SPAG16: variants seen among roughly 807,000 people sequenced by gnomAD.
SPAG16 encodes sperm-associated antigen 16 protein.
In SPAG16, 86 loss-of-function variants were observed where a neutral mutation model predicts 80.4. That is an observed-to-expected ratio of 1.07 (90% CI 0.90 to 1.28). SPAG16 has a LOEUF of 1.28. SPAG16 is among the 50% of genes most tolerant of loss of function. SPAG16 has a pLI of 0.00. For missense variants in SPAG16, 870 were observed against 765.3 expected, an observed-to-expected ratio of 1.14 and a Z score of -1.61; for synonymous variants, 294 against 265.9, an observed-to-expected ratio of 1.11 and a Z score of -1.03.
At chr2:213,508,560 C>T (rs1043365096) in intron 10 of SPAG16, among the ~76,000 whole-genome samples, 1 of 151,682 alleles carries the variant, frequency 6.6e-6, no homozygotes, top group Non-Finnish European at 1.5e-5. Flanking sequence ...GCCTGGGCGA[C>T]AGAGTGAGAC....
In SPAG16 at chr2:213,426,881, AC is replaced by A. The variant is rs1559121811; in HGVS notation, c.942+51763del. ...CACACACACACACACACACACACAC[AC>A]AGGGCTACACTCTATAGGATCCTTT... On this transcript the variant is annotated intron_variant, in intron 9 of 15. Transcript: ENST00000331683. Among the ~76,000 whole-genome samples, 390 of 150,160 alleles carry A rather than the reference AC, an allele frequency of 2.6e-3. 4 individuals are homozygous for A. The highest frequency in any genetic ancestry group is 8.8e-3 in the African/African-American group (359 of 40,778).
At chr2:213,789,799 C>A (rs1347193159) in intron 10 of SPAG16, among the ~76,000 whole-genome samples, 1 of 151,894 alleles carries the variant, frequency 6.6e-6, no homozygotes, top group Non-Finnish European at 1.5e-5. Flanking sequence ...CACTTTCAAA[C>A]CCAAAATATA....
chr2:213,401,303 C>G (rs2068296208), intron 9 of SPAG16, among the ~76,000 whole-genome samples: 1 of 152,222 alleles, frequency 6.6e-6, no homozygotes, highest in Admixed American at 6.5e-5. Flanking sequence ...TAGATAATGT[C>G]ATAATGCATT....
chr2:213,965,146 T>C (rs577264405), intron 12 of SPAG16, among the ~76,000 whole-genome samples: 11 of 152,306 alleles, frequency 7.2e-5, no homozygotes, highest in Admixed American at 7.2e-4. Context: ...TTCTCCACAG[T>C]GTGTAGCCTC....
chr2:213,390,765 TTAA>T (rs1474868528), intron 9 of SPAG16, among the ~76,000 whole-genome samples: 2 of 152,352 alleles, frequency 1.3e-5, no homozygotes, highest in Admixed American at 6.5e-5. Flanking sequence ...CTAATTGCCA[TTAA>T]TAACTTATGA....
chr2:214,114,346 C>T (rs183500685), intron 14 of SPAG16, among the ~76,000 whole-genome samples: 30 of 152,344 alleles, frequency 2.0e-4, no homozygotes, highest in African/African-American at 3.4e-4. Context: ...GCTGGGACAA[C>T]GCACTGCTCT....
At chr2:213,467,513 G>A (rs567461743) in intron 9 of SPAG16, among the ~76,000 whole-genome samples, 1 of 152,312 alleles carries the variant, frequency 6.6e-6, no homozygotes, top group South Asian at 2.1e-4. Context: ...AAAATATCAG[G>A]TTAAAGTTTT....
At chr2:213,743,232 G>A (rs925560384) in intron 10 of SPAG16, among the ~76,000 whole-genome samples, 1 of 152,154 alleles carries the variant, frequency 6.6e-6, no homozygotes, top group African/African-American at 2.4e-5. Context: ...AATTATTTTA[G>A]TGTTTATTGT....
chr2:213,980,569 AGAGAGT>A (rs1168225010), intron 12 of SPAG16, among the ~76,000 whole-genome samples: 22 of 140,314 alleles, frequency 1.6e-4, no homozygotes, highest in South Asian at 4.4e-4. Context: ...GTGTATATAT[AGAGAGT>A]ATATGTATAT....
Position 213,762,618 on chromosome 2 carries a change from T to C in SPAG16, c.1071-99867T>C, listed in dbSNP as rs1011674400. 2.0e-5 allele frequency among the ~76,000 whole-genome samples: 3 copies of C among 152,164 alleles called. No homozygotes were observed. The East Asian group carries it at 5.8e-4, about 29-fold the overall frequency. On this transcript the variant is annotated intron_variant, in intron 10 of 15. Transcript: ENST00000331683. Reference sequence around the variant, plus strand: ...AAAGAATGAAATTGAACCCTTACCTTGCACCATACACAAAAATAAACAGTA... The same window carrying C: ...AAAGAATGAAATTGAACCCTTACCTCGCACCATACACAAAAATAAACAGTA...
At chr2:214,191,074 CAATTATCCATTCTTCT>C (rs1015514285) in intron 15 of SPAG16, among the ~76,000 whole-genome samples, 4 of 152,096 alleles carry the variant, frequency 2.6e-5, no homozygotes, top group Non-Finnish European at 4.4e-5. Flanking sequence ...AAGCCTACCT[CAATTATCCATTCTTCT>C]TCTGAATTCT....
At chr2:214,374,559 A>G (rs1379684518) in intron 15 of SPAG16, among the ~76,000 whole-genome samples, 1 of 151,860 alleles carries the variant, frequency 6.6e-6, no homozygotes, top group African/African-American at 2.4e-5. Flanking sequence ...AAACTCTTTT[A>G]TCAAATAGAA....
At chr2:213,359,440 C>T (rs2065854431) in intron 7 of SPAG16, among the ~76,000 whole-genome samples, 1 of 152,164 alleles carries the variant, frequency 6.6e-6, no homozygotes, top group Non-Finnish European at 1.5e-5. Context: ...CCAGTTTGAG[C>T]TTCCCAGCTG....
At chr2:213,686,021 TATC>T (rs751713977) in intron 10 of SPAG16, among the ~76,000 whole-genome samples, 1 of 152,224 alleles carries the variant, frequency 6.6e-6, no homozygotes, top group Non-Finnish European at 1.5e-5. Flanking sequence ...ATTATAAAGG[TATC>T]ATAATCAAGA....
intron 12 of SPAG16, among the ~76,000 whole-genome samples, chr2:214,009,808 C>A (rs1163240607): frequency 2.0e-5 from 3 of 152,160 alleles, no homozygotes; most frequent in Non-Finnish European, 4.4e-5. Context: ...GCCTTTCTCT[C>A]CTTCTGCCAA....
chr2:214,177,506 C>T (rs1254886236), intron 15 of SPAG16, among the ~76,000 whole-genome samples: 1 of 151,058 alleles, frequency 6.6e-6, no homozygotes, highest in Admixed American at 6.6e-5. Flanking sequence ...CTGATTCATT[C>T]TTTAATATTC....
chr2:213,287,283 GAATCCCTTATTAGA>G (rs1157387166), intron 1 of SPAG16, among the ~76,000 whole-genome samples: 1 of 152,228 alleles, frequency 6.6e-6, no homozygotes, highest in Non-Finnish European at 1.5e-5. Context: ...GTGAATGAAT[GAATCCCTTATTAGA>G]AATCAACACA....
intron 10 of SPAG16, among the ~76,000 whole-genome samples, chr2:213,836,220 T>G (rs913791427): frequency 2.9e-5 from 4 of 140,194 alleles, no homozygotes; most frequent in African/African-American, 7.7e-5. Flanking sequence ...AAAACAGTTT[T>G]GTGGATATCA....
At chr2:213,916,869 A>T (rs2077995953) in intron 11 of SPAG16, among the ~76,000 whole-genome samples, 1 of 152,146 alleles carries the variant, frequency 6.6e-6, no homozygotes, top group Non-Finnish European at 1.5e-5. Context: ...ATCTGTGCTA[A>T]ATCCTACATC....
Sources: allele counts gnomAD v4.1 joint callset (sites outside exome capture counted in the v4.1 genomes callset), GRCh38; gene constraint gnomAD v4.1.1; transcripts MANE v1.5; gene names NCBI Gene and HGNC (gene_info 2026-07-23, HGNC 2026-07-21).